The following CHODL variants were observed in gnomAD, a reference collection of about 807,000 sequenced individuals.
The protein encoded by CHODL is transmembrane protein MT75.
Under a neutral mutation model 34.5 loss-of-function variants are expected in CHODL, and 29 were observed. The observed-to-expected ratio is 0.84, with a 90% CI of 0.63 to 1.15. CHODL has a LOEUF of 1.15. Among genes scored for constraint, CHODL ranks in the 50% most tolerant of loss-of-function variants. The probability of loss-of-function intolerance (pLI) is 0.00; values close to 1 mark genes in which losing one functional copy is unlikely to be tolerated. For synonymous variants in CHODL, 125 were observed against 116.1 expected, an observed-to-expected ratio of 1.08 and a Z score of -0.49; for missense variants, 332 against 332.5, an observed-to-expected ratio of 1.00 and a Z score of 0.01.
chr21:18,133,648 G>T (rs965080000), intron 2 of CHODL, among the ~76,000 whole-genome samples: 26 of 152,240 alleles, frequency 1.7e-4, no homozygotes, highest in African/African-American at 5.5e-4. Context: ...CAGGAGAAAG[G>T]TTAGGCAGAT....
At chr21:18,087,654 C>A (rs997159207) in intron 2 of CHODL, among the ~76,000 whole-genome samples, 3 of 152,120 alleles carry the variant, frequency 2.0e-5, no homozygotes, top group African/African-American at 4.8e-5. Context: ...ATTAAACTCT[C>A]AAAATGACAC....
chr21:17,988,918 A>G (rs992654219), intron 1 of CHODL, among the ~76,000 whole-genome samples: 1 of 152,066 alleles, frequency 6.6e-6, no homozygotes, highest in African/African-American at 2.4e-5. Context: ...ATACCCAGTA[A>G]TGGGATGGCT....
At chr21:18,153,172 T>G (rs1171510816) in intron 2 of CHODL, among the ~76,000 whole-genome samples, 1 of 152,172 alleles carries the variant, frequency 6.6e-6, no homozygotes, top group Non-Finnish European at 1.5e-5. Flanking sequence ...ACAGCTTAGC[T>G]CAGCTGATTT....
intron 2 of CHODL, among the ~76,000 whole-genome samples, chr21:18,097,282 A>C (rs928974630): frequency 6.6e-6 from 1 of 152,128 alleles, no homozygotes; most frequent in Non-Finnish European, 1.5e-5. Flanking sequence ...AAGTCAAATC[A>C]TCCTTGTTTG....
intron 1 of CHODL, among the ~76,000 whole-genome samples, chr21:17,919,356 A>G (rs551634971): frequency 6.6e-6 from 1 of 152,298 alleles, no homozygotes; most frequent in South Asian, 2.1e-4. Flanking sequence ...TCTGACATCT[A>G]GGCAGAGGTT....
chr21:18,073,610 C>T (rs576525304), intron 2 of CHODL, among the ~76,000 whole-genome samples: 1 of 152,060 alleles, frequency 6.6e-6, no homozygotes, highest in Admixed American at 6.5e-5. Context: ...GATTATTCAA[C>T]CGGCATTATT....
chr21:18,261,960 C>T (rs573833619), intron 4 of CHODL, among the ~76,000 whole-genome samples: 27 of 151,850 alleles, frequency 1.8e-4, no homozygotes, highest in South Asian at 1.7e-3. Flanking sequence ...TGTATGGAAT[C>T]GTGACACTAA....
chr21:18,137,398 C>A (rs1225939405), intron 2 of CHODL, among the ~76,000 whole-genome samples: 1 of 152,258 alleles, frequency 6.6e-6, no homozygotes, highest in Non-Finnish European at 1.5e-5. Context: ...ACAAGAATTA[C>A]AACACAGTCA....
In CHODL at chr21:18,045,383, C is replaced by T. The variant is rs543411301; in HGVS notation, c.-45+17412C>T. Among the ~76,000 whole-genome samples, 28 of 151,890 alleles carry T rather than the reference C, an allele frequency of 1.8e-4. 1 individual carries two copies. In the South Asian group the frequency reaches 4.6e-3, roughly 25 times the overall value. On this transcript the variant is annotated intron_variant, in intron 2 of 6. Coordinates refer to the CHODL transcript ENST00000400127. The stretch of plus-strand genomic sequence containing the variant: ...TGATTAACCAGGTGAGCCCTAAATC[C>T]GGTGAAAACTGTCTTTACAACAGAT...
At chr21:17,923,678 G>T (rs1445249093) in intron 1 of CHODL, among the ~76,000 whole-genome samples, 1 of 152,016 alleles carries the variant, frequency 6.6e-6, no homozygotes, top group African/African-American at 2.4e-5. Flanking sequence ...GGTCAGGCTG[G>T]TCTCAAACTC....
chr21:18,141,599 T>C (rs1183644941), intron 2 of CHODL, among the ~76,000 whole-genome samples: 3 of 151,754 alleles, frequency 2.0e-5, no homozygotes. Context: ...GCTATACACA[T>C]GACACTTCCC....
intron 1 of CHODL, among the ~76,000 whole-genome samples, chr21:17,990,858 C>G (rs2063791607): frequency 6.6e-6 from 1 of 151,986 alleles, no homozygotes; most frequent in African/African-American, 2.4e-5. Flanking sequence ...AAATATACAA[C>G]AAATTATTAT....
chr21:18,201,981 T>C (rs990737936), intron 2 of CHODL, among the ~76,000 whole-genome samples: 1 of 151,746 alleles, frequency 6.6e-6, no homozygotes, highest in Admixed American at 6.6e-5. Context: ...ATTTTTTGTA[T>C]TTTTTAGTAG....
At chr21:17,988,959 C>T (rs1367862579) in intron 1 of CHODL, among the ~76,000 whole-genome samples, 1 of 152,082 alleles carries the variant, frequency 6.6e-6, no homozygotes, top group African/African-American at 2.4e-5. Flanking sequence ...TTCTAGATCC[C>T]TGAGGAATCG....
intron 2 of CHODL, among the ~76,000 whole-genome samples, chr21:18,187,799 T>C (rs532971469): frequency 3.5e-4 from 54 of 152,330 alleles, no homozygotes; most frequent in African/African-American, 1.1e-3. Context: ...TTCCTCTCTG[T>C]ATTGTTTTAT....
chr21:18,003,078 C>T (rs901092967), intron 1 of CHODL, among the ~76,000 whole-genome samples: 27 of 149,658 alleles, frequency 1.8e-4, no homozygotes, highest in Admixed American at 4.7e-4. Context: ...GAGCCGAGAT[C>T]GCGCCACTGC....
chr21:18,251,398 AT>A (rs1185047151), intron 1 of CHODL, among the ~76,000 whole-genome samples: 4 of 110,748 alleles, frequency 3.6e-5, no homozygotes, highest in African/African-American at 1.4e-4. Context: ...GTTTTAATAT[AT>A]AAAATATGTA....
intron 1 of CHODL, among the ~76,000 whole-genome samples, chr21:18,254,482 G>A (rs181509471): frequency 3.9e-5 from 6 of 152,168 alleles, no homozygotes; most frequent in East Asian, 3.9e-4. Context: ...GATCCTTGGC[G>A]GTTTTAAAAG....
At chr21:18,218,169 G>T (rs1257607069) in intron 2 of CHODL, among the ~76,000 whole-genome samples, 1 of 152,198 alleles carries the variant, frequency 6.6e-6, no homozygotes, top group Non-Finnish European at 1.5e-5. Context: ...CTGTATGGGG[G>T]CTGTGATCCT....
Sources: allele counts gnomAD v4.1 joint callset (sites outside exome capture counted in the v4.1 genomes callset), GRCh38; gene constraint gnomAD v4.1.1; transcripts MANE v1.5; gene names NCBI Gene and HGNC (gene_info 2026-07-23, HGNC 2026-07-21).